WAPL: variants seen among roughly 807,000 people sequenced by gnomAD.
The protein encoded by WAPL is wings apart-like protein homolog.
In WAPL, 5 loss-of-function variants were observed where a neutral mutation model predicts 121.0. That is an observed-to-expected ratio of 0.04 (90% confidence interval 0.02 to 0.09). The LOEUF (loss-of-function observed/expected upper bound fraction) is 0.09, where lower values mean the gene tolerates loss of function less well. Among genes scored for constraint, WAPL ranks in the 10% least tolerant of loss-of-function variants. WAPL has a pLI of 1.00. For missense variants in WAPL, 999 were observed against 1,410.8 expected (o/e 0.71, Z 4.68); for synonymous variants, 480 against 481.5 (o/e 1.00, Z 0.04).
rs1739943766 is a variant in WAPL, at chr10:86,499,809, T to C, written c.1434A>G (p.Lys478=). Residue 478 remains lysine (K), a synonymous_variant, in exon 3 of 19, where the codon AAA becomes AAG. Transcript: ENST00000298767. The part of the protein sequence containing the change: ...DCQVERKTSK[K]RTKTAPSPSL... The stretch of plus-strand genomic sequence containing the variant: ...AGGGTGATGGAGCTGTTTTAGTTCT[T>C]TTTTTGCTTGTCTTTCTTTCTACTT... The C allele has an allele frequency of 8.1e-6, 13 of 1,613,558 alleles. No individual in the cohort carries two copies. Among genetic ancestry groups the C allele is most frequent in the Non-Finnish European group, 1.1e-5 (13 of 1,179,908 alleles).
In WAPL at chr10:86,464,760, T is replaced by C. The variant is rs189936926; in HGVS notation, c.2370+2519A>G. On this transcript the variant is annotated intron_variant, in intron 9 of 18. Transcript: ENST00000298767. ...CTGATGCATGAGAATCATTTGAACC[T>C]GGGAGGTAGAGGCTGCAGTGAGCCG... Among the ~76,000 whole-genome samples, 14 of 152,244 alleles carry C rather than the reference T, an allele frequency of 9.2e-5. No homozygotes were observed. The East Asian group carries it at 2.5e-3, about 27-fold the overall frequency.
chr10:86,472,686 T>G lies in WAPL; in HGVS notation c.1819A>C (p.Lys607Gln). The G allele has an allele frequency of 6.2e-7, 1 of 1,614,012 alleles. No homozygotes were observed. The change falls in exon 6 of 19, where the codon AAA (lysine) becomes CAA (glutamine). Residue 607 changes from lysine (K) to glutamine (Q), a missense_variant. Physicochemically the swap from Lys to Gln is moderately conservative, Grantham distance 53. Around this residue, in one of 7 missense-constraint regions of WAPL, gnomAD observed 74 missense variants for 115.1 expected, o/e 0.64. Transcript: ENST00000298767. The surrounding 1 kb of genome is among the most constrained non-coding windows in gnomAD (Gnocchi z 4.2). ...KAPAPPSKVI[K>Q]TVTIPTQPYQ... ...GGCTGAGTAGGTATTGTCACAGTTT[T>G]TATCACTTTGGATGGTGGTGCAGGA...
chr10:86,436,634 T>C lies in WAPL; in HGVS notation c.*909A>G, dbSNP rs915680664. On this transcript the variant is annotated 3_prime_UTR_variant, in exon 19 of 19. Coordinates refer to ENST00000298767, the MANE Select transcript of WAPL (RefSeq NM_015045.5). ...TCTGGAAACAGGAATTCCACATTGG[T>C]GTTTTAGCTTCCTTATATTTATTGT... 1 of 152,682 alleles carries C rather than the reference T, an allele frequency of 6.5e-6. No individual in the cohort carries two copies. Among genetic ancestry groups the C allele is most frequent in the African/African-American group, 2.4e-5 (1 of 41,474 alleles). The allele number at this position is 152,682 out of a possible 1,614,324, so 9.5% of individuals were successfully genotyped here.
At chr10:86,446,644 A>G (rs1334667783) in intron 15 of WAPL, among the ~76,000 whole-genome samples, 195 bp from the exon 16 acceptor site, 1 of 152,224 alleles carries the variant, frequency 6.6e-6, no homozygotes, top group East Asian at 1.9e-4. Context: ...AAATGCTGCT[A>G]AGATTCAATG....
At chr10:86,455,453 G>A (rs1398383975) in intron 12 of WAPL, among the ~76,000 whole-genome samples, 1 of 152,018 alleles carries the variant, frequency 6.6e-6, no homozygotes, top group Non-Finnish European at 1.5e-5. Flanking sequence ...AGTGCAAGAT[G>A]TGCTTTGTTA....
intron 17 of WAPL, among the ~76,000 whole-genome samples, chr10:86,438,476 G>A (rs1359364129): frequency 6.6e-6 from 1 of 152,164 alleles, no homozygotes; most frequent in Non-Finnish European, 1.5e-5. Flanking sequence ...CTGGTCTCGA[G>A]CTCCTGGGCT....
At chr10:86,454,499 T>C (rs985018547) in intron 12 of WAPL, among the ~76,000 whole-genome samples, 5 of 152,226 alleles carry the variant, frequency 3.3e-5, no homozygotes, top group African/African-American at 1.2e-4. Context: ...TGCCTCAGCC[T>C]GCCTAGTGCC....
intron 9 of WAPL, among the ~76,000 whole-genome samples, chr10:86,463,751 C>T (rs902877867): frequency 2.0e-5 from 3 of 152,216 alleles, no homozygotes; most frequent in African/African-American, 7.2e-5. Flanking sequence ...GCAAGCTCTA[C>T]TCATGGTAAG....
chr10:86,518,311 G>A (rs1353502805), intron 1 of WAPL, among the ~76,000 whole-genome samples: 3 of 152,030 alleles, frequency 2.0e-5, no homozygotes, highest in Non-Finnish European at 2.9e-5. Context: ...ATATTCCTAC[G>A]CTACTTACAA....
rs779610109 is a variant in WAPL at position 86,437,572 on chromosome 10, T to C, written c.3544A>G (p.Arg1182Gly). 2 of 1,614,070 alleles carry C rather than the reference T, an allele frequency of 1.2e-6. No individual in the cohort carries two copies. Among genetic ancestry groups the C allele is most frequent in the Non-Finnish European group, 1.7e-6 (2 of 1,179,992 alleles). ...CAATGTTCCAAATATTCAATCACTCTAGAGATAGATTTCTGGCCAGTTGTT... is the reference window on the plus strand; with the variant it reads ...CAATGTTCCAAATATTCAATCACTCCAGAGATAGATTTCTGGCCAGTTGTT... ...VGTTGQKSISRVIEYLEHC is the reference protein window; with the variant it reads ...VGTTGQKSISGVIEYLEHC Residue 1182 changes from arginine (R) to glycine (G), a missense_variant, in exon 19 of 19, where the codon AGA becomes GGA. By Grantham distance (125) the Arg-to-Gly change is moderately radical. Around this residue, in one of 7 missense-constraint regions of WAPL, gnomAD observed 35 missense variants for 80.3 expected, o/e 0.44. Transcript: ENST00000298767.
Position 86,437,237 on chromosome 10 carries a change from A to C in WAPL, c.*306T>G. The stretch of plus-strand genomic sequence containing the variant: ...AATTTTCCCCTTCAAACTTGCCCAG[A>C]ATAAAGCAAGAAAACAAGGGGAGGG... On this transcript the variant is annotated 3_prime_UTR_variant, in exon 19 of 19. Coordinates refer to ENST00000298767, the MANE Select transcript of WAPL (RefSeq NM_015045.5). 1 of 263,650 alleles carries C rather than the reference A, an allele frequency of 3.8e-6. No homozygotes were observed. Among genetic ancestry groups the C allele is most frequent in the Non-Finnish European group, 7.2e-6 (1 of 139,656 alleles). 16.3% of individuals were successfully genotyped at this position (263,650 alleles called of 1,614,324 possible).
rs558121038 is a variant in WAPL, at chr10:86,480,556, A to C, written c.1645-6583T>G. Among the ~76,000 whole-genome samples the C allele has an allele frequency of 5.9e-5, 9 of 152,368 alleles. No homozygotes were observed. In the South Asian group the frequency reaches 1.9e-3, roughly 32 times the overall value. ...AACAGTTCTCACAACTAAAAATACC[A>C]TTAAATATTGATGACAAGTTGTATT... On this transcript the variant is annotated intron_variant, in intron 4 of 18. Coordinates refer to ENST00000298767, the MANE Select transcript of WAPL (RefSeq NM_015045.5).
At chr10:86,462,569 A>G (rs1470623593) in intron 9 of WAPL, among the ~76,000 whole-genome samples, 1 of 151,732 alleles carries the variant, frequency 6.6e-6, no homozygotes, top group Non-Finnish European at 1.5e-5. Flanking sequence ...AAAATACACA[A>G]ATTAGCTGGG....
At chr10:86,517,489 A>G (rs965143379) in intron 2 of WAPL, 82 bp downstream of exon 2, 71 of 1,465,736 alleles carry the variant, frequency 4.8e-5, no homozygotes, top group Non-Finnish European at 4.3e-5. Context: ...AAAACACAAT[A>G]TATATTTTAG....
At chr10:86,473,616 T>C (rs190476909) in intron 5 of WAPL, among the ~76,000 whole-genome samples, 2 of 152,304 alleles carry the variant, frequency 1.3e-5, no homozygotes, top group Non-Finnish European at 1.5e-5. Flanking sequence ...ATAAATTCCA[T>C]GAAATGTGGG....
chr10:86,506,906 T>C (rs943731643), intron 2 of WAPL, among the ~76,000 whole-genome samples: 1 of 152,020 alleles, frequency 6.6e-6, no homozygotes, highest in Non-Finnish European at 1.5e-5. Flanking sequence ...GCAGGACAGT[T>C]TGGGGACACT....
At chr10:86,493,060 CA>C (rs751266999) in intron 4 of WAPL, among the ~76,000 whole-genome samples, 1,511 of 77,262 alleles carry the variant, frequency 0.02, 20 homozygotes, top group African/African-American at 0.063. Context: ...GACTCCGTCT[CA>C]AAAAAAAAAA....
At chr10:86,514,245 GCATCCC>G (rs924788246) in intron 2 of WAPL, among the ~76,000 whole-genome samples, 3 of 152,158 alleles carry the variant, frequency 2.0e-5, no homozygotes, top group African/African-American at 7.2e-5. Context: ...AAGTACAAAA[GCATCCC>G]CACAACTATA....
chr10:86,503,631 T>G (rs1165212880), intron 2 of WAPL, among the ~76,000 whole-genome samples: 3 of 151,706 alleles, frequency 2.0e-5, no homozygotes, highest in Non-Finnish European at 4.4e-5. Flanking sequence ...CGGGCATCTG[T>G]AGTTCCAGCT....
Sources: gnomAD v4.1 joint callset for allele counts (sites outside exome capture counted in the v4.1 genomes callset) on GRCh38, gnomAD v4.1.1 for gene constraint, gnomAD v4.1.1 regional missense constraint, Gnocchi (gnomAD v3.1) non-coding constraint, MANE v1.5 for transcripts, NCBI Gene and HGNC (gene_info 2026-07-23, HGNC 2026-07-21) for gene names.